HSPG2: variants seen among roughly 807,000 people sequenced by gnomAD.
HSPG2 encodes heparan sulfate proteoglycan 2, also known as basement membrane-specific heparan sulfate proteoglycan core protein.
A neutral mutation model predicts 526.6 loss-of-function variants in HSPG2; 278 were observed. The observed-to-expected ratio is 0.53, with a 90% CI of 0.48 to 0.58. The LOEUF is 0.58. Among genes scored for constraint, HSPG2 ranks in the 20% least tolerant of loss-of-function variants. The pLI is 0.00. For missense variants in HSPG2, 5,354 were observed against 6,099.5 expected (o/e 0.88, Z 4.07); for synonymous variants, 2,465 against 2,555.4 (o/e 0.96, Z 1.07).
intron 1 of HSPG2, among the ~76,000 whole-genome samples, chr1:21,913,708 G>C (rs1356915140): frequency 6.6e-6 from 1 of 152,240 alleles, no homozygotes; most frequent in Non-Finnish European, 1.5e-5. Flanking sequence ...GGAGGAGAAG[G>C]CTAGAAGGGG....
At position 21,857,390 on chromosome 1, in the gene HSPG2, A is replaced by C; in HGVS notation, c.5294-5T>G. 3.7e-6 allele frequency: 6 copies of C among 1,612,972 alleles called. No individual in the cohort carries two copies. Among genetic ancestry groups the C allele is most frequent in the Non-Finnish European group, 4.2e-6 (5 of 1,179,738 alleles). ...TGATGGGCTTGCTTGGAGCCTCTGC[A>C]GGGACGGGAAGCCCCCCTGTGAGCC... is the stretch of plus-strand genomic sequence containing the variant. On this transcript the variant is annotated splice_region_variant and splice_polypyrimidine_tract_variant and intron_variant, in intron 42 of 96. Transcript: ENST00000374695.
chr1:21,871,163 C>T (rs1479449800), intron 33 of HSPG2, among the ~76,000 whole-genome samples: 2 of 152,084 alleles, frequency 1.3e-5, no homozygotes, highest in African/African-American at 4.8e-5. Context: ...CCCACAACAC[C>T]ATCACACCAT....
At position 21,865,943 on chromosome 1, in the gene HSPG2, C is replaced by G. The variant is rs1640198756; in HGVS notation, c.4222-134G>C. 1 of 703,262 alleles carries G rather than the reference C, an allele frequency of 1.4e-6. No individual in the cohort carries two copies. Among genetic ancestry groups the G allele is most frequent in the Non-Finnish European group, 2.6e-6 (1 of 391,166 alleles). The allele number at this position is 703,262 out of a possible 1,614,324, so 43.6% of individuals were successfully genotyped here. On this transcript the variant is annotated intron_variant, in intron 33 of 96. Coordinates refer to ENST00000374695, the MANE Select transcript of HSPG2 (RefSeq NM_005529.7). The surrounding 1 kb of genome is among the most constrained non-coding windows in gnomAD (Gnocchi z 5.4). ...TCCCCCACCCCCCTCCCTGCCCAAACCAAGAGGCCAGGGTGCATGGTTGCC... is the reference window on the plus strand; with the variant it reads ...TCCCCCACCCCCCTCCCTGCCCAAAGCAAGAGGCCAGGGTGCATGGTTGCC...
Position 21,864,210 on chromosome 1 carries a change from A to C in HSPG2, c.4630T>G (p.Cys1544Gly). ...PGYIGLSCQD[C>G]APGYTRTGSG... ...CCGGTGCGCGTGTAGCCGGGGGCAC[A>C]GTCCTAGGGGCAGAGAGGAAGGTTG... The change falls in exon 37 of 97, where the codon TGT becomes GGT. Residue 1544 changes from cysteine to glycine, a missense_variant. Physicochemically the swap from Cys to Gly is radical, Grantham distance 159. Transcript: ENST00000374695. This position sits in a 1 kb window ranked among gnomAD's most constrained non-coding sequence, Gnocchi z 4.8. 6.4e-7 allele frequency: 1 copy of C among 1,551,352 alleles called. No homozygotes were observed. The highest frequency in any genetic ancestry group is 1.4e-5 in the African/African-American group (1 of 73,174).
intron 1 of HSPG2, among the ~76,000 whole-genome samples, chr1:21,915,132 G>A (rs906009914): frequency 3.6e-4 from 55 of 152,366 alleles, no homozygotes; most frequent in African/African-American, 1.2e-3. Flanking sequence ...CGGCCAGATC[G>A]TGAGGCCCAG....
chr1:21,905,035 C>T (rs1187012858), intron 1 of HSPG2, among the ~76,000 whole-genome samples: 1 of 152,146 alleles, frequency 6.6e-6, no homozygotes, highest in African/African-American at 2.4e-5. Context: ...ACACCACTAA[C>T]AACCACGGCC....
In HSPG2 at chr1:21,834,792, C is replaced by G; in HGVS notation, c.10607G>C (p.Ser3536Thr). 6.2e-7 allele frequency: 1 copy of G among 1,614,220 alleles called. No individual in the cohort carries two copies. Among genetic ancestry groups the G allele is most frequent in the Non-Finnish European group, 8.5e-7 (1 of 1,180,046 alleles). Residue 3536 changes from serine to threonine, a missense_variant, in exon 77 of 97, where the codon AGC becomes ACC. Transcript: ENST00000374695. ...GTGGGCGATCCTGACGACACCTCCG[C>G]TCTGCACAATGCCTGGCCGCAGGTG... Reference protein sequence around the residue: ...GGHLRPGIVQSGGVVRIAHVE... With the variant: ...GGHLRPGIVQTGGVVRIAHVE...
Position 21,852,619 on chromosome 1 carries a change from G to T in HSPG2, c.6724+81C>A, listed in dbSNP as rs377670924. 7.3e-4 allele frequency: 1,168 copies of T among 1,590,254 alleles called. 7 individuals are homozygous for T. In the African/African-American group the frequency reaches 0.015, roughly 20 times the overall value. On this transcript the variant is annotated intron_variant, in intron 52 of 96. Transcript: ENST00000374695. Reference sequence around the variant, plus strand: ...CCGGTGTGGGCCTTCTGCCCTGTCAGCAAGAGGGGTCCCTTGGATCTCACC... The same window carrying T: ...CCGGTGTGGGCCTTCTGCCCTGTCATCAAGAGGGGTCCCTTGGATCTCACC...
At chr1:21,875,173 C>T (rs1640952642) in intron 25 of HSPG2, 171 bp from the exon 26 acceptor site, 3 of 656,520 alleles carry the variant, frequency 4.6e-6, no homozygotes, top group African/African-American at 1.8e-5. Context: ...CAGCTGTTAC[C>T]TGCAACTTAC....
In HSPG2 at chr1:21,853,068, G is replaced by A; in HGVS notation, c.6442C>T (p.Pro2148Ser). ...THSGPSYTPV[P>S]GSTRPIRIEP... The stretch of plus-strand genomic sequence containing the variant: ...ATGCGGATGGGCCGGGTGCTGCCGG[G>A]CACTGGACACAGAGCGGCTGCTCAG... Residue 2148 changes from proline (P) to serine (S), a missense_variant and splice_region_variant, in exon 51 of 97, where the codon CCC becomes TCC. By Grantham distance (74) the Pro-to-Ser change is moderately conservative. Coordinates refer to ENST00000374695, the MANE Select transcript of HSPG2 (RefSeq NM_005529.7). The A allele has an allele frequency of 1.2e-6, 2 of 1,613,824 alleles. No individual in the cohort carries two copies.
intron 55 of HSPG2, 40 bp from the exon 56 acceptor site, chr1:21,850,538 G>A (rs1480474673): frequency 2.6e-6 from 4 of 1,563,292 alleles, no homozygotes; most frequent in Admixed American, 1.8e-5. Flanking sequence ...GCCCTCAGGA[G>A]ACCCCTGTTC....
In HSPG2 at chr1:21,855,926, A is replaced by C; in HGVS notation, c.5576-14T>G. 3 of 1,606,116 alleles carry C rather than the reference A, an allele frequency of 1.9e-6. No individual in the cohort carries two copies. Among genetic ancestry groups the C allele is most frequent in the Non-Finnish European group, 2.5e-6 (3 of 1,179,838 alleles). ...AGGTGCCCGAGGCTGACAAGGGAGG[A>C]AAAGGAACATGCACTCAGGGTGGGG... On this transcript the variant is annotated splice_polypyrimidine_tract_variant and intron_variant, in intron 44 of 96. Transcript: ENST00000374695.
chr1:21,933,123 G>GGTGGGAGGATCACCTGAGC (rs1553181653), intron 1 of HSPG2, among the ~76,000 whole-genome samples: 1 of 151,996 alleles, frequency 6.6e-6, no homozygotes, highest in Non-Finnish European at 1.5e-5. Flanking sequence ...AGGGGGCTGA[G>GGTGGGAGGATCACCTGAGC]GTGGGAGGAT....
At position 21,858,786 on chromosome 1, in the gene HSPG2, A is replaced by C. The variant is rs1639541617; in HGVS notation, c.5293+780T>G. ...ACACCCATGGGTGGGACAGATGTGCAGGGGACTTGATGCTCCCAGAATAGG... is the reference window on the plus strand; with the variant it reads ...ACACCCATGGGTGGGACAGATGTGCCGGGGACTTGATGCTCCCAGAATAGG... On this transcript the variant is annotated intron_variant, in intron 42 of 96. Coordinates refer to ENST00000374695, the MANE Select transcript of HSPG2 (RefSeq NM_005529.7). The surrounding 1 kb of genome is among the most constrained non-coding windows in gnomAD (Gnocchi z 4.2). 6.6e-6 allele frequency among the ~76,000 whole-genome samples: 1 copy of C among 152,218 alleles called. No individual in the cohort carries two copies.
chr1:21,935,689 G>C (rs954409961), intron 1 of HSPG2, among the ~76,000 whole-genome samples: 4 of 152,202 alleles, frequency 2.6e-5, no homozygotes, highest in Admixed American at 1.3e-4. Context: ...GCCCCTCATC[G>C]GGGGCAGAGC....
At position 21,847,156 on chromosome 1, in the gene HSPG2, G is replaced by A. The variant is rs986949308; in HGVS notation, c.8164+198C>T. Among the ~76,000 whole-genome samples, 11 of 152,238 alleles carry A rather than the reference G, an allele frequency of 7.2e-5. No homozygotes were observed. Among genetic ancestry groups the A allele is most frequent in the African/African-American group, 2.7e-4 (11 of 41,464 alleles). ...AATGCTTTTTATCTGCACAGGCCAA[G>A]TCAGTGGCTGCAAGCCACACGTGGC... On this transcript the variant is annotated intron_variant, in intron 62 of 96. Coordinates refer to ENST00000374695, the MANE Select transcript of HSPG2 (RefSeq NM_005529.7). This position sits in a 1 kb window ranked among gnomAD's most constrained non-coding sequence, Gnocchi z 4.1.
intron 65 of HSPG2, 145 bp downstream of exon 65, chr1:21,844,003 C>G (rs551727366): frequency 5.5e-6 from 6 of 1,094,902 alleles, no homozygotes; most frequent in Non-Finnish European, 8.0e-6. Flanking sequence ...GTGCCCAGCC[C>G]GCTCTCAACT....
Position 21,851,879 on chromosome 1 carries a change from C to T in HSPG2, c.6918G>A (p.Ala2306=), listed in dbSNP as rs750421389. The part of the protein sequence containing the change: ...LYIFQASPAD[A]GQYVCRASNG... Reference sequence around the variant, plus strand: ...TGCTGGCCCGGCAGACGTACTGTCCCGCATCGGCAGGTGAGGCCTGGAAGA... The same window carrying T: ...TGCTGGCCCGGCAGACGTACTGTCCTGCATCGGCAGGTGAGGCCTGGAAGA... The change falls in exon 54 of 97, where the codon GCG becomes GCA. Residue 2306 remains alanine (A), a synonymous_variant. Transcript: ENST00000374695. 4.2e-5 allele frequency: 68 copies of T among 1,612,390 alleles called. No homozygotes were observed. Among genetic ancestry groups the T allele is most frequent in the Non-Finnish European group, 5.1e-5 (60 of 1,179,594 alleles).
intron 1 of HSPG2, among the ~76,000 whole-genome samples, chr1:21,913,950 C>A (rs1353457887): frequency 6.6e-6 from 1 of 152,194 alleles, no homozygotes; most frequent in Non-Finnish European, 1.5e-5. Flanking sequence ...AATTCTAATA[C>A]AAAAGTGACA....
Sources: gnomAD v4.1 joint callset for allele counts (sites outside exome capture counted in the v4.1 genomes callset) on GRCh38, gnomAD v4.1.1 for gene constraint, Gnocchi (gnomAD v3.1) non-coding constraint, MANE v1.5 for transcripts, NCBI Gene and HGNC (gene_info 2026-07-23, HGNC 2026-07-21) for gene names.